SYT1: variants seen among roughly 807,000 people sequenced by gnomAD.
SYT1 encodes the protein synaptotagmin 1.
Under a neutral mutation model 44.8 loss-of-function variants are expected in SYT1, and 8 were observed. The observed-to-expected ratio is 0.18, with a 90% CI of 0.10 to 0.32. The LOEUF is 0.32. SYT1 is among the 10% of genes least tolerant of loss of function. The probability of loss-of-function intolerance (pLI) is 1.00; values close to 1 mark genes in which losing one functional copy is unlikely to be tolerated. For synonymous variants in SYT1, 154 were observed against 188.8 expected (o/e 0.82, Z 1.51); for missense variants, 286 against 509.3 (o/e 0.56, Z 4.22).
chr12:79,271,089 C>T (rs930223264), intron 4 of SYT1, among the ~76,000 whole-genome samples: 3 of 152,290 alleles, frequency 2.0e-5, no homozygotes, highest in East Asian at 1.9e-4. Flanking sequence ...ACTTGACATG[C>T]ACAGCTGCTA....
intron 4 of SYT1, among the ~76,000 whole-genome samples, chr12:79,274,108 G>A (rs1018709884): frequency 6.6e-6 from 1 of 152,150 alleles, no homozygotes; most frequent in Non-Finnish European, 1.5e-5. Context: ...AAGAAAGAAA[G>A]AAACTCCCAA....
chr12:79,045,164 C>A (rs570669686), intron 2 of SYT1, among the ~76,000 whole-genome samples: 38 of 152,278 alleles, frequency 2.5e-4, no homozygotes, highest in African/African-American at 6.7e-4. Context: ...TCGAGCTTCC[C>A]GGCTGCTTTG....
chr12:79,289,142 T>C (rs999869135), intron 5 of SYT1, among the ~76,000 whole-genome samples: 1 of 152,190 alleles, frequency 6.6e-6, no homozygotes, highest in African/African-American at 2.4e-5. Context: ...AATGAACAAA[T>C]GCTCCTTTTG....
chr12:79,112,576 G>A (rs187607650), intron 3 of SYT1, among the ~76,000 whole-genome samples: 1 of 151,852 alleles, frequency 6.6e-6, no homozygotes, highest in Admixed American at 6.6e-5. Flanking sequence ...CTCAAAGTAG[G>A]GACACTAGTC....
chr12:78,994,468 T>TGTTTTCTTTTTCTTC (rs1870227102), intron 2 of SYT1, among the ~76,000 whole-genome samples: 2 of 150,982 alleles, frequency 1.3e-5, no homozygotes, highest in East Asian at 3.9e-4. Context: ...TCTTTTTCTT[T>TGTTTTCTTTTTCTTC]GTTTTCTTTT....
chr12:78,910,683 C>T (rs934067421), intron 1 of SYT1, among the ~76,000 whole-genome samples: 1 of 151,852 alleles, frequency 6.6e-6, no homozygotes, highest in African/African-American at 2.4e-5. Flanking sequence ...ATAATTATTG[C>T]AAAAACACGC....
In SYT1 at chr12:79,183,264, G is replaced by A. The variant is rs148714868; in HGVS notation, c.-17-34239G>A. On this transcript the variant is annotated intron_variant, in intron 3 of 10. Coordinates refer to ENST00000261205, the MANE Select transcript of SYT1 (RefSeq NM_005639.3). Reference sequence around the variant, plus strand: ...AGAGACAAGTCTTCTGCAGTGAGTGGTGCTGCATAGGATGTACCAGCTTTT... The same window carrying A: ...AGAGACAAGTCTTCTGCAGTGAGTGATGCTGCATAGGATGTACCAGCTTTT... Among the ~76,000 whole-genome samples, 921 of 152,038 alleles carry A rather than the reference G, an allele frequency of 6.1e-3. 10 individuals are homozygous for A. Among genetic ancestry groups the A allele is most frequent in the African/African-American group, 0.021 (873 of 41,522 alleles).
rs34140383 is a variant in SYT1 at position 79,026,702 on chromosome 12, T to TATATATAAAA, written c.-83-20595_-83-20594insATATATAAAA. Among the ~76,000 whole-genome samples, 472 of 125,266 alleles carry TATATATAAAA rather than the reference T, an allele frequency of 3.8e-3. 4 individuals are homozygous for TATATATAAAA. The highest frequency in any genetic ancestry group is 0.015 in the East Asian group (58 of 3,830). The allele number at this position is 125,266 out of a possible 152,430, so 82.2% of individuals were successfully genotyped here. A position where few individuals can be genotyped will look rare whatever the true frequency, so the allele number is the denominator to read the frequency against. Reference sequence around the variant, plus strand: ...ATATATATATATATATATATATATATCACACTTTCATTGTCCATTCACTAT... The same window carrying TATATATAAAA: ...ATATATATATATATATATATATATATATATATAAAACACACTTTCATTGTCCATTCACTAT... On this transcript the variant is annotated intron_variant, in intron 2 of 10. Transcript: ENST00000261205.
intron 2 of SYT1, among the ~76,000 whole-genome samples, chr12:79,001,725 G>A (rs1434749276): frequency 6.6e-6 from 1 of 152,152 alleles, no homozygotes; most frequent in Non-Finnish European, 1.5e-5. Context: ...ATATTGTAAA[G>A]TGTGTTTTTC....
intron 1 of SYT1, among the ~76,000 whole-genome samples, chr12:78,919,265 A>C (rs1449995271): frequency 6.6e-6 from 1 of 152,016 alleles, no homozygotes; most frequent in African/African-American, 2.4e-5. Context: ...GGGGACCTTG[A>C]GCAAAATAAT....
intron 4 of SYT1, among the ~76,000 whole-genome samples, chr12:79,227,659 G>A (rs1411730026): frequency 6.6e-6 from 1 of 152,102 alleles, no homozygotes; most frequent in African/African-American, 2.4e-5. Flanking sequence ...CTGCATACTG[G>A]CTTTGTGACC....
At chr12:79,399,409 G>A (rs1417780411) in intron 9 of SYT1, among the ~76,000 whole-genome samples, 1 of 151,414 alleles carries the variant, frequency 6.6e-6, no homozygotes, top group South Asian at 2.1e-4. Flanking sequence ...TTATTTAGAG[G>A]TTATATTTAA....
intron 4 of SYT1, among the ~76,000 whole-genome samples, chr12:79,236,100 C>T (rs1876172817): frequency 6.6e-6 from 1 of 152,100 alleles, no homozygotes; most frequent in African/African-American, 2.4e-5. Flanking sequence ...CTGGTTTGAG[C>T]CCTCATCTAT....
At chr12:78,884,647 C>T (rs1874634637) in intron 1 of SYT1, among the ~76,000 whole-genome samples, 2 of 150,944 alleles carry the variant, frequency 1.3e-5, no homozygotes, top group Admixed American at 6.6e-5. Context: ...TTTCTATATA[C>T]ATTCAGACAT....
intron 8 of SYT1, among the ~76,000 whole-genome samples, chr12:79,349,033 A>AAGAAAGAAAGAAAGAAAGAG (rs1367804411): frequency 4.9e-4 from 59 of 120,278 alleles, no homozygotes; most frequent in Non-Finnish European, 7.6e-4. Context: ...GAAAGAAAGA[A>AAGAAAGAAAGAAAGAAAGAG]AAAGAAAGAA....
In SYT1 at chr12:79,217,540, T is replaced by C; in HGVS notation, c.21T>C (p.His7=). The C allele has an allele frequency of 5.0e-6, 8 of 1,600,824 alleles. No individual in the cohort carries two copies. The highest frequency in any genetic ancestry group is 6.8e-6 in the Non-Finnish European group (8 of 1,174,240). Residue 7 remains histidine (H), a synonymous_variant, in exon 4 of 11, where the codon CAT becomes CAC. Transcript: ENST00000261205. Reference sequence around the variant, plus strand: ...CTAAAATGGTGAGCGAGAGTCACCATGAGGCCCTGGCAGCCCCGCCTGTCA... The same window carrying C: ...CTAAAATGGTGAGCGAGAGTCACCACGAGGCCCTGGCAGCCCCGCCTGTCA... MVSESH[H]EALAAPPVTT...
chr12:79,174,288 T>C (rs961868004), intron 3 of SYT1, among the ~76,000 whole-genome samples: 11 of 152,004 alleles, frequency 7.2e-5, no homozygotes, highest in African/African-American at 2.2e-4. Flanking sequence ...GTTGGTGACA[T>C]TGATGAAGAA....
chr12:79,390,647 A>G (rs1227652476), intron 9 of SYT1, among the ~76,000 whole-genome samples: 1 of 152,164 alleles, frequency 6.6e-6, no homozygotes, highest in Non-Finnish European at 1.5e-5. Flanking sequence ...ATGCACACAC[A>G]TATTTCCAAT....
At chr12:79,233,526 A>G (rs749915211) in intron 4 of SYT1, among the ~76,000 whole-genome samples, 3 of 152,168 alleles carry the variant, frequency 2.0e-5, no homozygotes, top group Non-Finnish European at 2.9e-5. Context: ...TGTCGATATC[A>G]CCACAACCGT....
Sources: gnomAD v4.1 joint callset for allele counts (sites outside exome capture counted in the v4.1 genomes callset) on GRCh38, gnomAD v4.1.1 for gene constraint, MANE v1.5 for transcripts, NCBI Gene and HGNC (gene_info 2026-07-23, HGNC 2026-07-21) for gene names.